Variants in HIVEP1 observed in about 807,000 individuals in gnomAD.
The protein encoded by HIVEP1 is zinc finger protein 40.
Under a neutral mutation model 180.0 loss-of-function variants are expected in HIVEP1, and 36 were observed. The observed-to-expected ratio is 0.20, with a 90% CI of 0.15 to 0.26. The LOEUF is 0.26. HIVEP1 is among the 10% of genes least tolerant of loss of function. The pLI, the probability that HIVEP1 is intolerant of heterozygous loss-of-function variation, is 1.00. For synonymous variants in HIVEP1, 1,239 were observed against 1,239.0 expected, an observed-to-expected ratio of 1.00 and a Z score of 0.00; for missense variants, 3,143 against 3,268.7, an observed-to-expected ratio of 0.96 and a Z score of 0.94.
Position 12,102,535 on chromosome 6 carries a change from G to A in HIVEP1, c.94+13298G>A, listed in dbSNP as rs73724357. 5.8e-3 allele frequency among the ~76,000 whole-genome samples: 879 copies of A among 152,214 alleles called. 6 individuals are homozygous for A. The highest frequency in any genetic ancestry group is 0.02 in the African/African-American group (842 of 41,530). Reference sequence around the variant, plus strand: ...CTTCTGTTGTACAAATGACACCAAGGCTTTCCAGACAAGTAGACTAGGAAC... The same window carrying A: ...CTTCTGTTGTACAAATGACACCAAGACTTTCCAGACAAGTAGACTAGGAAC... On this transcript the variant is annotated intron_variant, in intron 3 of 8. Transcript: ENST00000379388.
At chr6:12,168,107 A>ACATATACACG (rs1760787631), downstream of HIVEP1, among the ~76,000 whole-genome samples, 3 of 44,596 alleles carry the variant, frequency 6.7e-5, 1 homozygote, top group Non-Finnish European at 1.1e-4. Flanking sequence ...ACACGTATAT[A>ACATATACACG]TGTATATTAT....
chr6:12,017,401 G>A (rs991984569), intron 2 of HIVEP1, among the ~76,000 whole-genome samples: 2 of 152,254 alleles, frequency 1.3e-5, no homozygotes, highest in Admixed American at 1.3e-4. Flanking sequence ...GTTCAGGAGT[G>A]AAGCTGCACA....
chr6:12,183,593 T>A, the HIVEP1 span, among the ~76,000 whole-genome samples: 1 of 152,218 alleles, frequency 6.6e-6, no homozygotes, highest in African/African-American at 2.4e-5. Flanking sequence ...ATTTAGATGA[T>A]GTCCTGATTT....
At chr6:12,129,640 T>A in intron 4 of HIVEP1, 119 bp from the exon 5 acceptor site, 1 of 803,096 alleles carries the variant, frequency 1.2e-6, no homozygotes, top group African/African-American at 1.7e-5. Context: ...ATTACTACTT[T>A]GAAATGCATT....
At chr6:12,015,334 TTTC>T (rs1767672900) in intron 1 of HIVEP1, among the ~76,000 whole-genome samples, 189 bp from the exon 2 acceptor site, 1 of 152,230 alleles carries the variant, frequency 6.6e-6, no homozygotes, top group African/African-American at 2.4e-5. Flanking sequence ...TTTTTTCTGT[TTTC>T]TTAATGAGAA....
chr6:12,197,559 A>AG, the HIVEP1 span, among the ~76,000 whole-genome samples: 2 of 151,660 alleles, frequency 1.3e-5, no homozygotes, highest in Non-Finnish European at 2.9e-5. Context: ...TCTCAAAAAA[A>AG]AAAAAAAAAA....
At chr6:12,205,332 T>G in the HIVEP1 span, among the ~76,000 whole-genome samples, 23 of 151,966 alleles carry the variant, frequency 1.5e-4, no homozygotes, top group East Asian at 3.9e-4. Context: ...TTAGCCAGGC[T>G]TGGTGGCAGG....
chr6:12,103,282 C>T (rs1312738247), intron 3 of HIVEP1, among the ~76,000 whole-genome samples: 2 of 151,996 alleles, frequency 1.3e-5, no homozygotes, highest in Non-Finnish European at 2.9e-5. Flanking sequence ...TGTCTACATG[C>T]ATTATCTCAA....
chr6:12,160,139 A>C (rs967625696), intron 7 of HIVEP1, among the ~76,000 whole-genome samples: 1 of 152,180 alleles, frequency 6.6e-6, no homozygotes, highest in Non-Finnish European at 1.5e-5. Context: ...TTCCTCCCCC[A>C]TAACTAAATT....
At chr6:12,065,887 A>G (rs1482842000) in intron 2 of HIVEP1, among the ~76,000 whole-genome samples, 1 of 152,176 alleles carries the variant, frequency 6.6e-6, no homozygotes, top group African/African-American at 2.4e-5. Context: ...GTTCAGATGT[A>G]GATGTGAAGT....
At position 12,048,415 on chromosome 6, in the gene HIVEP1, A is replaced by G. The variant is rs956173467; in HGVS notation, c.40+32747A>G. Among the ~76,000 whole-genome samples the G allele has an allele frequency of 5.3e-5, 8 of 152,350 alleles. No individual in the cohort carries two copies. In the South Asian group the frequency reaches 1.7e-3, roughly 32 times the overall value. On this transcript the variant is annotated intron_variant, in intron 2 of 8. Transcript: ENST00000379388. ...TAATTTAGAATTGAGAAGAGATGGC[A>G]TACATTTCCAATACTCTACCTCTCT...
chr6:12,137,735 T>C (rs1382714563), intron 7 of HIVEP1, among the ~76,000 whole-genome samples: 1 of 152,200 alleles, frequency 6.6e-6, no homozygotes, highest in Non-Finnish European at 1.5e-5. Context: ...CAGCAGAATT[T>C]ATTCCTCTCC....
At chr6:12,207,612 A>G in the HIVEP1 span, among the ~76,000 whole-genome samples, 2 of 152,036 alleles carry the variant, frequency 1.3e-5, no homozygotes, top group African/African-American at 2.4e-5. Flanking sequence ...CTCACAATTA[A>G]TCTAGATTTG....
intron 3 of HIVEP1, among the ~76,000 whole-genome samples, chr6:12,114,969 A>G (rs1775127589): frequency 6.6e-6 from 1 of 152,220 alleles, no homozygotes; most frequent in Non-Finnish European, 1.5e-5. Context: ...GGCCCAAAAG[A>G]GATCTGAAGT....
At chr6:12,029,898 T>C (rs771336458) in intron 2 of HIVEP1, among the ~76,000 whole-genome samples, 29 of 152,204 alleles carry the variant, frequency 1.9e-4, no homozygotes, top group Non-Finnish European at 5.9e-5. Context: ...CACTCTCCTC[T>C]TCTTCTATGG....
chr6:12,080,860 T>C (rs1193187669), intron 2 of HIVEP1, among the ~76,000 whole-genome samples: 1 of 152,178 alleles, frequency 6.6e-6, no homozygotes, highest in Admixed American at 6.5e-5. Flanking sequence ...AGGGTAGACA[T>C]TGTTCATGTC....
At chr6:12,136,140 G>C (rs1210430888) in intron 7 of HIVEP1, among the ~76,000 whole-genome samples, 4 of 152,010 alleles carry the variant, frequency 2.6e-5, no homozygotes, top group Non-Finnish European at 4.4e-5. Flanking sequence ...CTGCTCAGAG[G>C]TTCTCATCGG....
intron 7 of HIVEP1, among the ~76,000 whole-genome samples, chr6:12,137,943 A>G (rs1390883886): frequency 6.6e-6 from 1 of 152,162 alleles, no homozygotes; most frequent in Non-Finnish European, 1.5e-5. Context: ...ATATTTTCTC[A>G]TATTTGCTTC....
intron 2 of HIVEP1, among the ~76,000 whole-genome samples, chr6:12,048,826 T>C (rs1570988): frequency 0.23 from 34,679 of 152,034 alleles, 4,654 homozygotes; most frequent in East Asian, 0.57. Flanking sequence ...TTCTTTCTGC[T>C]TGGGGACAGT....
Sources: gnomAD v4.1 joint callset for allele counts (sites outside exome capture counted in the v4.1 genomes callset) on GRCh38, gnomAD v4.1.1 for gene constraint, MANE v1.5 for transcripts, NCBI Gene and HGNC (gene_info 2026-07-23, HGNC 2026-07-21) for gene names.